Variants in NARS2 observed in about 807,000 individuals in gnomAD.
NARS2 encodes asparaginyl-tRNA synthetase.
Under a neutral mutation model 62.9 loss-of-function variants are expected in NARS2, and 60 were observed. That is an observed-to-expected ratio of 0.95 (90% CI 0.77 to 1.18). The LOEUF (loss-of-function observed/expected upper bound fraction) is 1.18. Among genes scored for constraint, NARS2 ranks in the 50% most tolerant of loss-of-function variants. The pLI is 0.00. For missense variants in NARS2, 619 were observed against 576.4 expected (o/e 1.07, Z -0.76); for synonymous variants, 196 against 200.0 (o/e 0.98, Z 0.17).
At chr11:78,523,200 G>C (rs1324885398) in intron 6 of NARS2, among the ~76,000 whole-genome samples, 3 of 152,094 alleles carry the variant, frequency 2.0e-5, no homozygotes, top group African/African-American at 4.8e-5. Context: ...ACCTTTTCAT[G>C]TGCTCATTGA....
chr11:78,486,469 T>C (rs755594014), intron 7 of NARS2, among the ~76,000 whole-genome samples: 6 of 152,184 alleles, frequency 3.9e-5, no homozygotes, highest in Non-Finnish European at 8.8e-5. Flanking sequence ...CAAATCACTG[T>C]GCAATTTCCA....
intron 5 of NARS2, among the ~76,000 whole-genome samples, chr11:78,530,240 C>T (rs1050778328): frequency 4.6e-5 from 7 of 151,880 alleles, no homozygotes; most frequent in Non-Finnish European, 1.0e-4. Context: ...AGACTAAATA[C>T]TTGATCTGAT....
At chr11:78,527,693 CTTCCT>C (rs949188046) in intron 6 of NARS2, among the ~76,000 whole-genome samples, 5 of 152,166 alleles carry the variant, frequency 3.3e-5, no homozygotes, top group Non-Finnish European at 5.9e-5. Context: ...AAAAGATTCC[CTTCCT>C]TTCAAGTGAG....
At chr11:78,563,828 TCAAAAA>T (rs1565287174) in intron 4 of NARS2, among the ~76,000 whole-genome samples, 1 of 16,080 alleles carries the variant, frequency 6.2e-5, no homozygotes, top group African/African-American at 4.7e-4. Flanking sequence ...GAACTCTGTA[TCAAAAA>T]AAAAAAAAAA....
intron 4 of NARS2, among the ~76,000 whole-genome samples, chr11:78,565,616 A>G (rs544538887): frequency 1.3e-5 from 2 of 152,316 alleles, no homozygotes; most frequent in South Asian, 4.1e-4. Context: ...AGAGCTGCAG[A>G]GGGCCACCTT....
At chr11:78,468,792 CTTT>C (rs538005557) in intron 10 of NARS2, among the ~76,000 whole-genome samples, 3 of 130,616 alleles carry the variant, frequency 2.3e-5, no homozygotes, top group Non-Finnish European at 5.0e-5. Flanking sequence ...TAAAAATTCA[CTTT>C]TTTTTTTTTT....
chr11:78,563,215 A>ATTTT (rs71046983), intron 4 of NARS2, among the ~76,000 whole-genome samples: 2,650 of 115,664 alleles, frequency 0.023, 172 homozygotes, highest in African/African-American at 0.085. Context: ...AACCACTTGA[A>ATTTT]TTTTTTTTTT....
intron 4 of NARS2, among the ~76,000 whole-genome samples, chr11:78,561,342 G>C (rs943528074): frequency 6.6e-6 from 1 of 152,204 alleles, no homozygotes; most frequent in African/African-American, 2.4e-5. Flanking sequence ...TAAATAGCAA[G>C]GAGTGGTTAA....
intron 11 of NARS2, among the ~76,000 whole-genome samples, chr11:78,447,071 ATGAC>A (rs1313841320): frequency 1.3e-5 from 2 of 152,086 alleles, no homozygotes; most frequent in African/African-American, 2.4e-5. Context: ...AAACATACAA[ATGAC>A]TAACAGGTGC....
intron 11 of NARS2, among the ~76,000 whole-genome samples, chr11:78,446,952 G>T (rs1240615827): frequency 6.6e-6 from 1 of 151,730 alleles, no homozygotes; most frequent in African/African-American, 2.4e-5. Flanking sequence ...CATCTTATAA[G>T]GGGTTAATAC....
In NARS2 at chr11:78,441,075, G is replaced by C. The variant is rs199838394; in HGVS notation, c.1289+16C>G. ...CAAGCAGCTAGAGTAAGAATTATTA[G>C]GGGCCACATTCTTACCATTGGTAGA... On this transcript the variant is annotated intron_variant, in intron 13 of 13. Transcript: ENST00000281038. 2.2e-5 allele frequency: 36 copies of C among 1,610,024 alleles called. No individual in the cohort carries two copies. In the African/African-American group the frequency reaches 4.3e-4, roughly 19 times the overall value.
chr11:78,469,800 G>C (rs138191040), intron 9 of NARS2, among the ~76,000 whole-genome samples: 20 of 152,248 alleles, frequency 1.3e-4, no homozygotes, highest in African/African-American at 4.8e-4. Flanking sequence ...GGTGAGGAGA[G>C]AGTAGACAGA....
intron 11 of NARS2, among the ~76,000 whole-genome samples, chr11:78,445,582 A>C (rs1167278844): frequency 6.6e-6 from 1 of 152,190 alleles, no homozygotes; most frequent in African/African-American, 2.4e-5. Flanking sequence ...AGATCATGCC[A>C]CTGTACTCCA....
intron 7 of NARS2, among the ~76,000 whole-genome samples, chr11:78,483,670 T>C (rs1307188243): frequency 6.6e-6 from 1 of 151,986 alleles, no homozygotes; most frequent in African/African-American, 2.4e-5. Context: ...TACTTAGGAG[T>C]ACAACCTACA....
chr11:78,566,117 C>T lies in NARS2; in HGVS notation c.513+15G>A, dbSNP rs184777922. On this transcript the variant is annotated intron_variant, in intron 4 of 13. Coordinates refer to ENST00000281038, the MANE Select transcript of NARS2 (RefSeq NM_024678.6). ...AACTGTTTAAAGGGTCAAGAGGGAACTTTTAGGATCTTACCTTAAAGAAAG... is the reference window on the plus strand; with the variant it reads ...AACTGTTTAAAGGGTCAAGAGGGAATTTTTAGGATCTTACCTTAAAGAAAG... 2,659 of 1,593,288 alleles carry T rather than the reference C, an allele frequency of 1.7e-3. 23 individuals are homozygous for T. Among genetic ancestry groups the T allele is most frequent in the Admixed American group, 1.0e-3 (56 of 55,592 alleles).
At chr11:78,494,466 T>C (rs1859970346) in intron 6 of NARS2, among the ~76,000 whole-genome samples, 1 of 92,972 alleles carries the variant, frequency 1.1e-5, no homozygotes, top group African/African-American at 3.3e-5. Context: ...GTTTTTTCTT[T>C]TTCTTTTTTT....
chr11:78,468,792 CTTTT>C (rs538005557), intron 10 of NARS2, among the ~76,000 whole-genome samples: 4 of 130,632 alleles, frequency 3.1e-5, no homozygotes, highest in Non-Finnish European at 3.3e-5. Context: ...TAAAAATTCA[CTTTT>C]TTTTTTTTTT....
intron 12 of NARS2, 87 bp from the exon 13 acceptor site, chr11:78,441,204 A>G: frequency 8.1e-7 from 1 of 1,234,718 alleles, no homozygotes. Context: ...GTGTGCAAAG[A>G]ACTCTTTATG....
Position 78,574,781 on chromosome 11 carries a change from T to A in NARS2, c.-293A>T. 2.5e-6 allele frequency: 1 copy of A among 394,740 alleles called. No individual in the cohort carries two copies. The highest frequency in any genetic ancestry group is 4.9e-5 in the East Asian group (1 of 20,402). The allele number at this position is 394,740 out of a possible 1,614,324, so 24.5% of individuals were successfully genotyped here. A position where few individuals can be genotyped will look rare whatever the true frequency, so the allele number is the denominator to read the frequency against. On this transcript the variant is annotated 5_prime_UTR_variant, in exon 1 of 14. Coordinates refer to ENST00000281038, the MANE Select transcript of NARS2 (RefSeq NM_024678.6). ...GGCGCCCCACTACCCGCGACAATTG[T>A]AAACCTACGAACAGAACCCGGGCCG...
Sources: gnomAD v4.1 joint callset for allele counts (sites outside exome capture counted in the v4.1 genomes callset) on GRCh38, gnomAD v4.1.1 for gene constraint, MANE v1.5 for transcripts, NCBI Gene and HGNC (gene_info 2026-07-23, HGNC 2026-07-21) for gene names.